PDPR: variants seen among roughly 807,000 people sequenced by gnomAD.
PDPR encodes pyruvate dehydrogenase phosphatase regulatory subunit.
In PDPR, 50 loss-of-function variants were observed where a neutral mutation model predicts 102.2. The ratio of observed to expected loss-of-function variants is 0.49; its 90% CI spans 0.39 to 0.62. The LOEUF (loss-of-function observed/expected upper bound fraction) is 0.62, where lower values mean the gene tolerates loss of function less well. PDPR is among the 20% of genes least tolerant of loss of function. PDPR has a pLI of 0.00. For missense variants in PDPR, 625 were observed against 1,098.2 expected, an observed-to-expected ratio of 0.57 and a Z score of 6.09; for synonymous variants, 259 against 406.0, an observed-to-expected ratio of 0.64 and a Z score of 4.35.
chr16:70,154,294 C>G (rs1966878676), intron 18 of PDPR, among the ~76,000 whole-genome samples: 1 of 152,268 alleles, frequency 6.6e-6, no homozygotes, highest in African/African-American at 2.4e-5. Flanking sequence ...CACCACTGCA[C>G]TCCAGCCTGT....
At chr16:70,125,655 G>A (rs1370812800) in intron 3 of PDPR, among the ~76,000 whole-genome samples, 3 of 148,684 alleles carry the variant, frequency 2.0e-5, no homozygotes, top group Admixed American at 6.8e-5. Flanking sequence ...TTTTTTTTAA[G>A]ATGGAGTCTT....
chr16:70,153,467 T>C lies in PDPR; in HGVS notation c.2129T>C (p.Leu710Pro). 7 of 1,613,824 alleles carry C rather than the reference T, an allele frequency of 4.3e-6. No individual in the cohort carries two copies. The highest frequency in any genetic ancestry group is 5.9e-6 in the Non-Finnish European group (7 of 1,179,816). The change falls in exon 18 of 19, where the codon CTT becomes CCT. Residue 710 changes from leucine to proline, a missense_variant. Leu to Pro is a moderately conservative substitution (Grantham distance 98). Coordinates refer to ENST00000288050, the MANE Select transcript of PDPR (RefSeq NM_017990.5). ...ATCCGGAATGCTGGGTATTACGCTC[T>C]TCGCAGTCTCCGAATTGAGAAGTTT... ...YGIRNAGYYA[L>P]RSLRIEKFFA... is the part of the protein sequence containing the mutation.
intron 3 of PDPR, among the ~76,000 whole-genome samples, chr16:70,121,055 G>T (rs56247411): frequency 0.29 from 42,670 of 146,126 alleles, 4,410 homozygotes; most frequent in Non-Finnish European, 0.35. Flanking sequence ...CTCCCAAAGT[G>T]CTGGGACTAC....
intron 2 of PDPR, among the ~76,000 whole-genome samples, chr16:70,115,262 T>C (rs1304802553): frequency 6.6e-6 from 1 of 152,134 alleles, no homozygotes; most frequent in Non-Finnish European, 1.5e-5. Flanking sequence ...TAGCTGGGAA[T>C]ACAGGTGTGC....
At chr16:70,114,216 C>A (rs956406395), upstream of PDPR, 25 of 152,244 alleles carry the variant, frequency 1.6e-4, no homozygotes, top group African/African-American at 5.8e-4. Context: ...ACGGCGCGCT[C>A]GTGCGCTGCT....
At chr16:70,147,812 C>A (rs1393649842) in intron 16 of PDPR, 1 of 358,174 alleles carries the variant, frequency 2.8e-6, no homozygotes, top group Non-Finnish European at 5.5e-6. Flanking sequence ...GGACCCCTCC[C>A]AGCGTTTGCT....
chr16:70,145,231 G>A lies in PDPR; in HGVS notation c.1867+698G>A, dbSNP rs557335056. On this transcript the variant is annotated intron_variant, in intron 15 of 18. Transcript: ENST00000288050. ...TCATGCCATTGCACCTCCACCTCCCGGGTTCAAGCGATTCTTCTGCCTCAG... is the reference window on the plus strand; with the variant it reads ...TCATGCCATTGCACCTCCACCTCCCAGGTTCAAGCGATTCTTCTGCCTCAG... Among the ~76,000 whole-genome samples the A allele has an allele frequency of 5.3e-5, 8 of 152,324 alleles. No homozygotes were observed. In the South Asian group the frequency reaches 1.0e-3, roughly 20 times the overall value.
At chr16:70,136,005 GT>G (rs372261926) in intron 9 of PDPR, among the ~76,000 whole-genome samples, 188 bp from the exon 10 acceptor site, 115 of 151,950 alleles carry the variant, frequency 7.6e-4, no homozygotes, top group African/African-American at 2.4e-3. Flanking sequence ...GGAGGCAGAG[GT>G]TGCAGTGAGC....
intron 7 of PDPR, 30 bp from the exon 8 acceptor site, chr16:70,131,272 C>A: frequency 6.7e-7 from 1 of 1,489,766 alleles, no homozygotes; most frequent in South Asian, 1.2e-5. Context: ...GTTCCTCTTC[C>A]CACCCACAAA....
chr16:70,130,871 T>C (rs1964471278), intron 7 of PDPR, among the ~76,000 whole-genome samples: 1 of 152,278 alleles, frequency 6.6e-6, no homozygotes, highest in African/African-American at 2.4e-5. Context: ...GCTATTTTAT[T>C]GTGTCAGGAA....
At chr16:70,118,480 G>A (rs185862367) in intron 2 of PDPR, among the ~76,000 whole-genome samples, 2 of 150,286 alleles carry the variant, frequency 1.3e-5, no homozygotes, top group Non-Finnish European at 1.5e-5. Flanking sequence ...AAGTATAACC[G>A]AGTGGTCACG....
chr16:70,162,250 G>A lies in PDPR; in HGVS notation c.*5371G>A, dbSNP rs565067715. On this transcript the variant is annotated 3_prime_UTR_variant, in exon 19 of 19. Coordinates refer to ENST00000288050, the MANE Select transcript of PDPR (RefSeq NM_017990.5). ...TAAAAATGCCATTGTAACTACTGTA[G>A]AGTCCTGTGACTCATCGTTTGTGTT... 1.4e-3 allele frequency: 213 copies of A among 152,666 alleles called. No individual in the cohort carries two copies. The highest frequency in any genetic ancestry group is 5.0e-3 in the African/African-American group (208 of 41,560). 9.5% of individuals were successfully genotyped at this position (152,666 alleles called of 1,614,324 possible).
At chr16:70,131,516 A>G (rs1597325985) in intron 8 of PDPR, 97 bp downstream of exon 8, 1 of 1,274,374 alleles carries the variant, frequency 7.8e-7, no homozygotes, top group South Asian at 1.3e-5. Context: ...TGTGTCTGAA[A>G]GAGTCTTTCA....
rs1967513029 is a variant in PDPR at position 70,158,993 on chromosome 16, G to A, written c.*2114G>A. 1.3e-5 allele frequency: 2 copies of A among 152,370 alleles called. No homozygotes were observed. The highest frequency in any genetic ancestry group is 2.4e-5 in the African/African-American group (1 of 41,480). 9.4% of individuals were successfully genotyped at this position (152,370 alleles called of 1,614,324 possible). A position where few individuals can be genotyped will look rare whatever the true frequency, so the allele number is the denominator to read the frequency against. ...ATGGCAATACATTTGTGCTTTAACTGTTACATAGCAGTATCACCACTTACC... is the reference window on the plus strand; with the variant it reads ...ATGGCAATACATTTGTGCTTTAACTATTACATAGCAGTATCACCACTTACC... On this transcript the variant is annotated 3_prime_UTR_variant, in exon 19 of 19. Transcript: ENST00000288050.
intron 4 of PDPR, among the ~76,000 whole-genome samples, chr16:70,128,055 G>C (rs540976158): frequency 2.0e-5 from 3 of 152,374 alleles, no homozygotes; most frequent in Admixed American, 2.0e-4. Flanking sequence ...CATGCCCACT[G>C]TTTGGCTATA....
At chr16:70,134,652 G>A (rs1964912086) in intron 9 of PDPR, among the ~76,000 whole-genome samples, 1 of 151,680 alleles carries the variant, frequency 6.6e-6, no homozygotes, top group Non-Finnish European at 1.5e-5. Context: ...TGGATGTGGT[G>A]GCGCACACCT....
Position 70,162,163 on chromosome 16 carries a change from C to G in PDPR, c.*5284C>G, listed in dbSNP as rs1163613364. 1 of 152,528 alleles carries G rather than the reference C, an allele frequency of 6.6e-6. No individual in the cohort carries two copies. The highest frequency in any genetic ancestry group is 2.4e-5 in the African/African-American group (1 of 41,470). The allele number at this position is 152,528 out of a possible 1,614,324, so 9.4% of individuals were successfully genotyped here. A position where few individuals can be genotyped will look rare whatever the true frequency, so the allele number is the denominator to read the frequency against. On this transcript the variant is annotated 3_prime_UTR_variant, in exon 19 of 19. Transcript: ENST00000288050. ...ATGGGCGTGGGGTAGAAAGCTCTTT[C>G]AGTGAAGGGTGTTCTAGCAGCTCAG...
rs374268826 is a variant in PDPR at position 70,161,375 on chromosome 16, C to A, written c.*4496C>A. On this transcript the variant is annotated 3_prime_UTR_variant, in exon 19 of 19. Transcript: ENST00000288050. Reference sequence around the variant, plus strand: ...CTGCCATTCTAATTTTCCTGCTGCACCCCATCCCCCACACACCCCTCACGA... The same window carrying A: ...CTGCCATTCTAATTTTCCTGCTGCAACCCATCCCCCACACACCCCTCACGA... 1,780 of 153,296 alleles carry A rather than the reference C, an allele frequency of 0.012. 3 individuals are homozygous for A. Among genetic ancestry groups the A allele is most frequent in the Non-Finnish European group, 0.018 (1,249 of 68,910 alleles). The allele number at this position is 153,296 out of a possible 1,614,324, so 9.5% of individuals were successfully genotyped here.
rs1468812735 is a variant in PDPR at position 70,159,623 on chromosome 16, C to T, written c.*2744C>T. 1 of 152,882 alleles carries T rather than the reference C, an allele frequency of 6.5e-6. No homozygotes were observed. The highest frequency in any genetic ancestry group is 1.5e-5 in the Non-Finnish European group (1 of 68,522). 9.5% of individuals were successfully genotyped at this position (152,882 alleles called of 1,614,324 possible). A position where few individuals can be genotyped will look rare whatever the true frequency, so the allele number is the denominator to read the frequency against. ...AGATCTGACAGTGAATGACTCTCCC[C>T]TGCTTCTGGCATAACTGCTTTGCCT... On this transcript the variant is annotated 3_prime_UTR_variant, in exon 19 of 19. Coordinates refer to ENST00000288050, the MANE Select transcript of PDPR (RefSeq NM_017990.5).
Sources: gnomAD v4.1 joint callset for allele counts (sites outside exome capture counted in the v4.1 genomes callset) on GRCh38, gnomAD v4.1.1 for gene constraint, MANE v1.5 for transcripts, NCBI Gene and HGNC (gene_info 2026-07-23, HGNC 2026-07-21) for gene names.